MALRD1: variants seen among roughly 807,000 people sequenced by gnomAD.
The protein encoded by MALRD1 is MAM and LDL-receptor class A domain-containing protein 1.
MALRD1 carries 247 observed loss-of-function variants against 242.1 expected under a neutral mutation model. That is an observed-to-expected ratio of 1.02 (90% CI 0.92 to 1.13). The LOEUF (loss-of-function observed/expected upper bound fraction) is 1.13, where lower values mean the gene tolerates loss of function less well. Among genes scored for constraint, MALRD1 ranks in the 50% most tolerant of loss-of-function variants. The probability of loss-of-function intolerance (pLI) is 0.00; values close to 1 mark genes in which losing one functional copy is unlikely to be tolerated. For synonymous variants in MALRD1, 995 were observed against 866.6 expected (o/e 1.15, Z -2.60); for missense variants, 2,989 against 2,533.1 (o/e 1.18, Z -3.86).
At chr10:19,320,977 T>C (rs188902570) in intron 21 of MALRD1, among the ~76,000 whole-genome samples, 2 of 152,268 alleles carry the variant, frequency 1.3e-5, no homozygotes, top group African/African-American at 4.8e-5. Context: ...ATTAGAACTT[T>C]GTCAGATGGT....
intron 26 of MALRD1, among the ~76,000 whole-genome samples, chr10:19,381,121 C>T (rs1228140264): frequency 3.5e-5 from 5 of 143,874 alleles, no homozygotes; most frequent in Non-Finnish European, 7.5e-5. Context: ...CATGTGATCT[C>T]ATTGTTCAAT....
At chr10:19,399,589 G>A (rs941544882) in intron 28 of MALRD1, among the ~76,000 whole-genome samples, 1 of 152,096 alleles carries the variant, frequency 6.6e-6, no homozygotes, top group Non-Finnish European at 1.5e-5. Flanking sequence ...CAGAGTTGGA[G>A]TAGAGAGAAA....
At chr10:19,450,582 T>G in intron 29 of MALRD1, 92 bp downstream of exon 29, 1 of 1,147,644 alleles carries the variant, frequency 8.7e-7, no homozygotes, top group South Asian at 1.6e-5. Context: ...TTTACTGTTA[T>G]GTATTTTGTA....
chr10:19,128,881 A>G (rs1044736893), intron 8 of MALRD1, among the ~76,000 whole-genome samples: 2 of 152,144 alleles, frequency 1.3e-5, no homozygotes, highest in Non-Finnish European at 2.9e-5. Flanking sequence ...TCCTTGTCCA[A>G]TATGCTCGAT....
At position 19,315,830 on chromosome 10, in the gene MALRD1, A is replaced by C. The variant is rs562382366; in HGVS notation, c.3420-8119A>C. On this transcript the variant is annotated intron_variant, in intron 21 of 39. Transcript: ENST00000454679. ...CTAGGCACACAGTCCATATTAGCTG[A>C]AATTTTTAAATTATTTTATTATTTA... Among the ~76,000 whole-genome samples the C allele has an allele frequency of 7.6e-5, 11 of 145,352 alleles. No homozygotes were observed. The South Asian group carries it at 2.1e-3, about 28-fold the overall frequency.
intron 33 of MALRD1, among the ~76,000 whole-genome samples, chr10:19,588,453 C>T (rs1403327405): frequency 1.3e-5 from 2 of 152,110 alleles, no homozygotes; most frequent in Admixed American, 6.5e-5. Flanking sequence ...TGTCCAAGCT[C>T]TATTTGAAGT....
intron 18 of MALRD1, among the ~76,000 whole-genome samples, chr10:19,257,012 A>G (rs1438531483): frequency 6.6e-6 from 1 of 151,998 alleles, no homozygotes; most frequent in African/African-American, 2.4e-5. Flanking sequence ...GTAAATCTCA[A>G]CCCTAATCAC....
intron 34 of MALRD1, among the ~76,000 whole-genome samples, chr10:19,602,479 AATG>A (rs1323543919): frequency 2.0e-5 from 3 of 151,288 alleles, no homozygotes; most frequent in Non-Finnish European, 4.4e-5. Context: ...GTTTGCTGAG[AATG>A]ATGATTTCCA....
chr10:19,541,856 C>T (rs1834988279), intron 32 of MALRD1, among the ~76,000 whole-genome samples: 1 of 152,134 alleles, frequency 6.6e-6, no homozygotes, highest in Non-Finnish European at 1.5e-5. Context: ...TGCTATGTAT[C>T]TTCCATTGTG....
chr10:19,659,509 A>T (rs1401212492), intron 36 of MALRD1, among the ~76,000 whole-genome samples: 1 of 152,138 alleles, frequency 6.6e-6, no homozygotes, highest in Non-Finnish European at 1.5e-5. Context: ...AGATAACCTT[A>T]AATTTTATTT....
chr10:19,141,164 A>G (rs1833526867), intron 10 of MALRD1, among the ~76,000 whole-genome samples: 1 of 152,200 alleles, frequency 6.6e-6, no homozygotes, highest in African/African-American at 2.4e-5. Flanking sequence ...CATGCCAAAC[A>G]TGTCCAAAGA....
chr10:19,625,060 A>AAGAG (rs3069631), intron 36 of MALRD1, among the ~76,000 whole-genome samples: 126,449 of 148,554 alleles, frequency 0.85, 54,364 homozygotes, highest in East Asian at 0.95. Context: ...CTATTTTAAA[A>AAGAG]AGAGAGAGAG....
At chr10:19,084,096 G>C (rs368832616) in intron 2 of MALRD1, among the ~76,000 whole-genome samples, 1 of 151,940 alleles carries the variant, frequency 6.6e-6, no homozygotes, top group Admixed American at 6.6e-5. Flanking sequence ...ACAACTTGTA[G>C]TAATGATAAG....
chr10:19,685,888 A>G (rs780751002), intron 36 of MALRD1, among the ~76,000 whole-genome samples: 6 of 152,170 alleles, frequency 3.9e-5, no homozygotes, highest in Non-Finnish European at 1.5e-5. Context: ...TGGATTAGCA[A>G]TGCCGTGCGG....
At chr10:19,649,710 C>T (rs1840786471) in intron 36 of MALRD1, among the ~76,000 whole-genome samples, 1 of 152,088 alleles carries the variant, frequency 6.6e-6, no homozygotes, top group Non-Finnish European at 1.5e-5. Flanking sequence ...GTTTCTTTTG[C>T]TGTGCAGAAG....
intron 36 of MALRD1, among the ~76,000 whole-genome samples, chr10:19,627,759 TAAAAAAAAA>T: frequency 1.8e-5 from 1 of 56,210 alleles, no homozygotes; most frequent in South Asian, 5.0e-4. Context: ...CAAGACTGTC[TAAAAAAAAA>T]AAAAAAAAAA....
chr10:19,095,024 A>G (rs957050421), intron 4 of MALRD1, among the ~76,000 whole-genome samples: 2 of 152,178 alleles, frequency 1.3e-5, no homozygotes, highest in South Asian at 2.1e-4. Context: ...CTGTGAGTCA[A>G]TTTAACCCAA....
chr10:19,186,903 A>G (rs1346153987), intron 14 of MALRD1, among the ~76,000 whole-genome samples: 7 of 152,146 alleles, frequency 4.6e-5, no homozygotes, highest in Non-Finnish European at 1.0e-4. Flanking sequence ...AGGGGCGTAA[A>G]GAGCCTTCCC....
chr10:19,424,935 G>GA (rs150923932), intron 28 of MALRD1, among the ~76,000 whole-genome samples: 52 of 143,972 alleles, frequency 3.6e-4, no homozygotes, highest in African/African-American at 6.1e-4. Context: ...GAGTGAAATG[G>GA]AAAAAAAAAA....
Sources: gnomAD v4.1 joint callset for allele counts (sites outside exome capture counted in the v4.1 genomes callset) on GRCh38, gnomAD v4.1.1 for gene constraint, MANE v1.5 for transcripts, NCBI Gene and HGNC (gene_info 2026-07-23, HGNC 2026-07-21) for gene names.